The following XKR6 variants were observed in gnomAD, a reference collection of about 807,000 sequenced individuals.
XKR6 encodes the protein XK-related protein 6.
In XKR6, 22 loss-of-function variants were observed where a neutral mutation model predicts 56.7. The observed-to-expected ratio is 0.39, with a 90% CI of 0.28 to 0.55. The LOEUF is 0.55. Ranked by LOEUF, XKR6 falls within the 20% of genes least tolerant of loss-of-function variation. The pLI, the probability that XKR6 is intolerant of heterozygous loss-of-function variation, is 0.66. For missense variants in XKR6, 852 were observed against 889.0 expected (o/e 0.96, Z 0.53); for synonymous variants, 524 against 387.8 (o/e 1.35, Z -4.13).
At chr8:11,031,869 G>A (rs574873740) in intron 1 of XKR6, among the ~76,000 whole-genome samples, 207 of 152,276 alleles carry the variant, frequency 1.4e-3, no homozygotes, top group African/African-American at 4.7e-3. Context: ...ATTTATTTTT[G>A]CATCCCAAAG....
At chr8:11,010,921 C>T (rs1563344438) in intron 1 of XKR6, among the ~76,000 whole-genome samples, 2 of 152,188 alleles carry the variant, frequency 1.3e-5, no homozygotes, top group African/African-American at 4.8e-5. Flanking sequence ...ACTCATGTGA[C>T]CGCTGGTTAT....
At chr8:11,026,853 A>C (rs1798879357) in intron 1 of XKR6, among the ~76,000 whole-genome samples, 1 of 151,770 alleles carries the variant, frequency 6.6e-6, no homozygotes, top group Non-Finnish European at 1.5e-5. Context: ...AGCCTAGCCT[A>C]CTACACACCT....
intron 2 of XKR6, 38 bp downstream of exon 2, chr8:10,924,592 AGGGC>A (rs1800821280): frequency 1.3e-6 from 2 of 1,570,524 alleles, no homozygotes; most frequent in South Asian, 2.3e-5. Context: ...CCCCAGGTGG[AGGGC>A]AGGCCGGGGT....
chr8:10,926,364 G>T (rs556195852), intron 1 of XKR6, among the ~76,000 whole-genome samples: 77 of 152,224 alleles, frequency 5.1e-4, no homozygotes, highest in Non-Finnish European at 7.9e-4. Context: ...CATGCCAGGT[G>T]CAGTAAGCCC....
At chr8:10,903,231 A>G (rs1586284906) in intron 2 of XKR6, among the ~76,000 whole-genome samples, 1 of 152,190 alleles carries the variant, frequency 6.6e-6, no homozygotes, top group Non-Finnish European at 1.5e-5. Context: ...CCACTTCTGC[A>G]TCTTTTCCCT....
chr8:11,040,268 T>C (rs1217974327), intron 1 of XKR6, among the ~76,000 whole-genome samples: 5 of 148,412 alleles, frequency 3.4e-5, no homozygotes, highest in Non-Finnish European at 7.4e-5. Context: ...ACGCCTGGAA[T>C]CCCAGCACTC....
At chr8:10,949,462 G>T (rs953689961) in intron 1 of XKR6, among the ~76,000 whole-genome samples, 4 of 152,198 alleles carry the variant, frequency 2.6e-5, no homozygotes, top group African/African-American at 9.7e-5. Flanking sequence ...GCCAGGGCTG[G>T]AGCTCCCCAG....
At chr8:10,955,347 A>T (rs549631839) in intron 1 of XKR6, among the ~76,000 whole-genome samples, 8 of 152,014 alleles carry the variant, frequency 5.3e-5, no homozygotes, top group East Asian at 1.9e-4. Flanking sequence ...TAATTTTCTT[A>T]TTTTTTTATT....
At chr8:11,141,120 G>T (rs7823349) in intron 1 of XKR6, among the ~76,000 whole-genome samples, 79,839 of 152,018 alleles carry the variant, frequency 0.53, 24,936 homozygotes, top group African/African-American at 0.86. Context: ...CACAGGAGAA[G>T]GGGGAGAACA....
chr8:11,012,631 C>G (rs558570175), intron 1 of XKR6, among the ~76,000 whole-genome samples: 2 of 150,300 alleles, frequency 1.3e-5, no homozygotes, highest in South Asian at 2.2e-4. Flanking sequence ...CTCACCTCCC[C>G]CTAGCTTGCA....
intron 1 of XKR6, among the ~76,000 whole-genome samples, chr8:10,997,288 G>T (rs1356578775): frequency 6.6e-6 from 1 of 152,140 alleles, no homozygotes; most frequent in Non-Finnish European, 1.5e-5. Flanking sequence ...CCAAGAACTT[G>T]ACCTGTTTTA....
intron 1 of XKR6, among the ~76,000 whole-genome samples, chr8:10,969,699 G>A (rs1279409706): frequency 5.9e-5 from 9 of 152,218 alleles, no homozygotes; most frequent in Admixed American, 5.2e-4. Flanking sequence ...AACAAGGACT[G>A]AACGTGAAAG....
At chr8:10,922,506 C>G (rs148361297) in intron 2 of XKR6, among the ~76,000 whole-genome samples, 1 of 152,356 alleles carries the variant, frequency 6.6e-6, no homozygotes, top group East Asian at 1.9e-4. Context: ...ATGCGCATTT[C>G]AAAGACATCC....
At chr8:11,104,676 T>C (rs959599791) in intron 1 of XKR6, 1 of 152,236 alleles carries the variant, frequency 6.6e-6, no homozygotes, top group South Asian at 2.1e-4. Flanking sequence ...ATAATACCAG[T>C]TATAACCATT....
rs537764704 is a variant in XKR6 at position 11,099,526 on chromosome 8, C to A, written c.764+101050G>T. ...AGAGCGAGCTCTGAGATCAGCTCCT[C>A]TCTTACAGTCGCTGGATTTTTTTCA... On this transcript the variant is annotated intron_variant, in intron 1 of 2. Coordinates refer to ENST00000416569, the MANE Select transcript of XKR6 (RefSeq NM_173683.4). Among the ~76,000 whole-genome samples, 4 of 152,332 alleles carry A rather than the reference C, an allele frequency of 2.6e-5. No individual in the cohort carries two copies. The East Asian group carries it at 7.7e-4, about 29-fold the overall frequency.
chr8:10,970,900 G>A (rs1391947666), intron 1 of XKR6, among the ~76,000 whole-genome samples: 2 of 151,092 alleles, frequency 1.3e-5, no homozygotes, highest in African/African-American at 2.4e-5. Context: ...AGATTCCAGT[G>A]CCAGGAAGAG....
At chr8:11,057,575 G>T (rs1487152660) in intron 1 of XKR6, among the ~76,000 whole-genome samples, 1 of 152,212 alleles carries the variant, frequency 6.6e-6, no homozygotes. Context: ...ATTCCCATGA[G>T]TTCCCACGGT....
At chr8:10,928,662 C>T (rs1009591911) in intron 1 of XKR6, among the ~76,000 whole-genome samples, 28 of 152,224 alleles carry the variant, frequency 1.8e-4, no homozygotes, top group Non-Finnish European at 7.3e-5. Flanking sequence ...CAAGTGATCT[C>T]ATCCCACAGG....
At chr8:10,960,108 C>A (rs1426723760) in intron 1 of XKR6, among the ~76,000 whole-genome samples, 2 of 152,226 alleles carry the variant, frequency 1.3e-5, no homozygotes, top group Non-Finnish European at 2.9e-5. Flanking sequence ...CATTAAAGAT[C>A]TCTTCCAATC....
Sources: gnomAD v4.1 joint callset for allele counts (sites outside exome capture counted in the v4.1 genomes callset) on GRCh38, gnomAD v4.1.1 for gene constraint, MANE v1.5 for transcripts, NCBI Gene and HGNC (gene_info 2026-07-23, HGNC 2026-07-21) for gene names.